Variants in CD99L2 observed in about 807,000 individuals in gnomAD.
The protein encoded by CD99L2 is CD99 molecule like 2, also known as CD99 antigen-like protein 2.
A neutral mutation model predicts 27.3 loss-of-function variants in CD99L2; 24 were observed. That is an observed-to-expected ratio of 0.88 (90% CI 0.64 to 1.24). The LOEUF (loss-of-function observed/expected upper bound fraction) is 1.24, where lower values mean the gene tolerates loss of function less well. Among genes scored for constraint, CD99L2 ranks in the 50% most tolerant of loss-of-function variants. The pLI is 0.00. For synonymous variants in CD99L2, 97 were observed against 87.9 expected (o/e 1.10, Z -0.58); for missense variants, 255 against 221.6 (o/e 1.15, Z -0.96).
intron 1 of CD99L2, among the ~76,000 whole-genome samples, chrX:150,856,407 A>G (rs1201263903): frequency 8.9e-6 from 1 of 111,952 alleles, no homozygotes; most frequent in Non-Finnish European, 1.9e-5. Context: ...GGCACTCAGC[A>G]TGCTTGTTAC....
intron 1 of CD99L2, among the ~76,000 whole-genome samples, chrX:150,882,813 T>C (rs1250131289): frequency 2.7e-5 from 3 of 112,379 alleles, no homozygotes; most frequent in Admixed American, 9.4e-5. Flanking sequence ...ACTAAAATGG[T>C]TGATTCTAAA....
In CD99L2 at chrX:150,870,581, C is replaced by A. The variant is rs185239455; in HGVS notation, c.67+27941G>T. Among the ~76,000 whole-genome samples, 307 of 111,588 alleles carry A rather than the reference C, an allele frequency of 2.8e-3. 1 individual carries two copies. Among genetic ancestry groups the A allele is most frequent in the African/African-American group, 9.6e-3 (296 of 30,748 alleles). On this transcript the variant is annotated intron_variant, in intron 1 of 10. Transcript: ENST00000370377. Reference sequence around the variant, plus strand: ...TCATACTAATCAATGCATCAAACCCCAGAACTACAGGTTTCATATTCAATG... The same window carrying A: ...TCATACTAATCAATGCATCAAACCCAAGAACTACAGGTTTCATATTCAATG...
intron 1 of CD99L2, among the ~76,000 whole-genome samples, chrX:150,852,462 C>T (rs183499389): frequency 8.9e-4 from 98 of 109,968 alleles, no homozygotes; most frequent in African/African-American, 3.0e-3. Flanking sequence ...TCTGCTTGGG[C>T]ACCTCAGACT....
At chrX:150,788,434 T>C (rs1041343553) in intron 7 of CD99L2, among the ~76,000 whole-genome samples, 19 of 111,515 alleles carry the variant, frequency 1.7e-4, no homozygotes, top group African/African-American at 5.9e-4. Context: ...GGAGCAAAGA[T>C]ACCAGTTAAG....
At chrX:150,802,880 C>CTT (rs34693200) in intron 4 of CD99L2, among the ~76,000 whole-genome samples, 5 of 20,819 alleles carry the variant, frequency 2.4e-4, no homozygotes, top group African/African-American at 7.5e-4. Context: ...CGTGCCCAGC[C>CTT]TTTTTTTTTT....
intron 2 of CD99L2, 104 bp downstream of exon 2, chrX:150,831,127 G>T (rs1279128661): frequency 9.8e-6 from 7 of 711,210 alleles, no homozygotes; most frequent in South Asian, 2.7e-5. Flanking sequence ...TATTTCATCT[G>T]ATCAAGTAAA....
At chrX:150,789,756 G>A (rs560699641) in intron 7 of CD99L2, among the ~76,000 whole-genome samples, 2 of 111,689 alleles carry the variant, frequency 1.8e-5, no homozygotes, top group Non-Finnish European at 3.8e-5. Flanking sequence ...ATGGTGGTGC[G>A]TATCTATGGT....
At chrX:150,807,034 G>A (rs2046005491) in intron 4 of CD99L2, among the ~76,000 whole-genome samples, 1 of 111,620 alleles carries the variant, frequency 9.0e-6, no homozygotes, top group African/African-American at 3.3e-5. Flanking sequence ...AATCTTTACA[G>A]AGCAATAGTA....
intron 1 of CD99L2, among the ~76,000 whole-genome samples, chrX:150,838,614 G>A (rs1557421278): frequency 1.9e-5 from 2 of 105,508 alleles, no homozygotes; most frequent in African/African-American, 3.5e-5. Flanking sequence ...CATTTAAGGG[G>A]AAAAAATAAA....
At chrX:150,874,421 A>G (rs66459542) in intron 1 of CD99L2, among the ~76,000 whole-genome samples, 25,530 of 110,635 alleles carry the variant, frequency 0.23, 2,566 homozygotes, top group African/African-American at 0.39. Flanking sequence ...GGCAAGGAAC[A>G]GCCACAGGAA....
intron 1 of CD99L2, among the ~76,000 whole-genome samples, chrX:150,877,121 T>TAA (rs782764443): frequency 0.23 from 14,411 of 63,811 alleles, 1,088 homozygotes; most frequent in Middle Eastern, 0.4. Flanking sequence ...TGTCTCTTAA[T>TAA]AAAAAAAAAA....
At chrX:150,812,485 A>C (rs1557420379) in intron 4 of CD99L2, among the ~76,000 whole-genome samples, 1 of 112,317 alleles carries the variant, frequency 8.9e-6, no homozygotes, top group Non-Finnish European at 1.9e-5. Flanking sequence ...GAGAAATGCA[A>C]ACTAAACCAC....
chrX:150,872,853 C>T (rs2047178438), intron 1 of CD99L2, among the ~76,000 whole-genome samples: 1 of 111,924 alleles, frequency 8.9e-6, no homozygotes, highest in East Asian at 2.8e-4. Flanking sequence ...CAAAGCTCAG[C>T]AAACAGTAGA....
chrX:150,803,232 C>T (rs73609545), intron 4 of CD99L2, among the ~76,000 whole-genome samples: 4 of 110,304 alleles, frequency 3.6e-5, no homozygotes, highest in African/African-American at 9.9e-5. Flanking sequence ...AAACATGTAC[C>T]GGATCCTCTA....
At chrX:150,805,877 G>C (rs1557420218) in intron 4 of CD99L2, among the ~76,000 whole-genome samples, 1 of 111,882 alleles carries the variant, frequency 8.9e-6, no homozygotes, top group Non-Finnish European at 1.9e-5. Context: ...AGGGGTTAGA[G>C]ACAGGCAAGG....
intron 7 of CD99L2, among the ~76,000 whole-genome samples, chrX:150,778,401 C>A (rs113383713): frequency 0.017 from 1,778 of 105,831 alleles, 46 homozygotes; most frequent in African/African-American, 0.06. Flanking sequence ...ATTTCCTTCA[C>A]CAATCAAAGA....
chrX:150,793,892 T>C lies in CD99L2; in HGVS notation c.431-136A>G, dbSNP rs192405325. 7.7e-3 allele frequency: 3,556 copies of C among 463,845 alleles called. 20 individuals are homozygous for C. The highest frequency in any genetic ancestry group is 0.01 in the Non-Finnish European group (3,000 of 290,600). The allele number at this position is 463,845 out of a possible 1,213,427, so 38.2% of individuals were successfully genotyped here. A position where few individuals can be genotyped will look rare whatever the true frequency, so the allele number is the denominator to read the frequency against. On this transcript the variant is annotated intron_variant, in intron 6 of 10. Coordinates refer to ENST00000370377, the MANE Select transcript of CD99L2 (RefSeq NM_031462.4). ...ATGCCCTTCATGAAATTCTAAGAGG[T>C]CCCCCCAGACCCCCTCCCACTGGTG...
At chrX:150,812,749 C>G (rs1187341116) in intron 4 of CD99L2, among the ~76,000 whole-genome samples, 3 of 112,165 alleles carry the variant, frequency 2.7e-5, no homozygotes, top group Non-Finnish European at 3.8e-5. Flanking sequence ...CTATACATGA[C>G]AGTTTACAGC....
At chrX:150,860,610 A>C (rs1158901555) in intron 1 of CD99L2, among the ~76,000 whole-genome samples, 2 of 112,580 alleles carry the variant, frequency 1.8e-5, no homozygotes, top group African/African-American at 3.2e-5. Flanking sequence ...TGATATATTC[A>C]GTAAAGTCTC....
Sources: gnomAD v4.1 joint callset for allele counts (sites outside exome capture counted in the v4.1 genomes callset) on GRCh38, gnomAD v4.1.1 for gene constraint, MANE v1.5 for transcripts, NCBI Gene and HGNC (gene_info 2026-07-23, HGNC 2026-07-21) for gene names.